RAPGEF2: variants seen among roughly 807,000 people sequenced by gnomAD.
The protein encoded by RAPGEF2 is PDZ domain containing guanine nucleotide exchange factor (GEF) 1.
RAPGEF2 carries 54 observed loss-of-function variants against 186.7 expected under a neutral mutation model. The observed-to-expected ratio is 0.29, with a 90% CI of 0.23 to 0.36. RAPGEF2 has a LOEUF of 0.36. Among genes scored for constraint, RAPGEF2 ranks in the 10% least tolerant of loss-of-function variants. RAPGEF2 has a pLI of 1.00. For synonymous variants in RAPGEF2, 712 were observed against 705.9 expected (o/e 1.01, Z -0.14); for missense variants, 1,532 against 2,045.0 (o/e 0.75, Z 4.84).
intron 1 of RAPGEF2, among the ~76,000 whole-genome samples, chr4:159,114,770 C>A (rs1300602694): frequency 6.6e-6 from 1 of 152,128 alleles, no homozygotes; most frequent in Non-Finnish European, 1.5e-5. Context: ...ATTGTAGATT[C>A]TCTCTTCCCC....
intron 1 of RAPGEF2, among the ~76,000 whole-genome samples, chr4:159,185,307 T>A (rs1374818966): frequency 6.6e-6 from 1 of 152,140 alleles, no homozygotes; most frequent in African/African-American, 2.4e-5. Context: ...ACCAGCAGCT[T>A]CACTTCTAGG....
chr4:159,284,575 G>A lies in RAPGEF2; in HGVS notation c.544-19767G>A, dbSNP rs9994821. 6.9e-3 allele frequency among the ~76,000 whole-genome samples: 1,046 copies of A among 151,566 alleles called. 10 individuals carry two copies. The highest frequency in any genetic ancestry group is 0.024 in the African/African-American group (990 of 41,270). On this transcript the variant is annotated intron_variant, in intron 7 of 29. Transcript: ENST00000691494. ...ACAGTGCCCTGGTGGGGGATACGCA[G>A]TGCCTGACTCCTCTGGATTTCATTC...
At chr4:159,216,192 G>C (rs1561096261) in intron 4 of RAPGEF2, among the ~76,000 whole-genome samples, 1 of 152,128 alleles carries the variant, frequency 6.6e-6, no homozygotes, top group Non-Finnish European at 1.5e-5. Context: ...AATATTCAAA[G>C]GAAGCAAGAT....
At chr4:159,265,035 A>G (rs1260371534) in intron 7 of RAPGEF2, among the ~76,000 whole-genome samples, 1 of 152,216 alleles carries the variant, frequency 6.6e-6, no homozygotes, top group Admixed American at 6.5e-5. Context: ...ACCGTTTGGC[A>G]ACAGTTTACT....
At chr4:159,309,864 A>C (rs1327347916) in intron 8 of RAPGEF2, among the ~76,000 whole-genome samples, 1 of 152,188 alleles carries the variant, frequency 6.6e-6, no homozygotes, top group Non-Finnish European at 1.5e-5. Flanking sequence ...TTCACAAATC[A>C]ATAAAGAAAG....
rs757959302 is a variant in RAPGEF2 at position 159,353,849 on chromosome 4, C to T, written c.4454C>T (p.Ala1485Val). ...AGCCTTGAACAAGCCCAGTCCCGAG[C>T]AAGCTGGGCGTCTTCCACAGGTTAC... ...RESLEQAQSRASWASSTGYWG... is the reference protein window; with the variant it reads ...RESLEQAQSRVSWASSTGYWG... The change falls in exon 28 of 30, where the codon GCA becomes GTA. Residue 1485 changes from alanine (A) to valine (V), a missense_variant. Physicochemically the swap from Ala to Val is moderately conservative, Grantham distance 64. Coordinates refer to ENST00000691494, the MANE Select transcript of RAPGEF2 (RefSeq NM_001394067.2). The surrounding 1 kb of genome is among the most constrained non-coding windows in gnomAD (Gnocchi z 4.3). 3 of 1,614,078 alleles carry T rather than the reference C, an allele frequency of 1.9e-6. No homozygotes were observed. Among genetic ancestry groups the T allele is most frequent in the Non-Finnish European group, 2.5e-6 (3 of 1,180,038 alleles).
chr4:159,277,880 G>C (rs540008713), intron 7 of RAPGEF2, among the ~76,000 whole-genome samples: 3 of 152,240 alleles, frequency 2.0e-5, no homozygotes, highest in South Asian at 4.1e-4. Flanking sequence ...TAGGTTGCCT[G>C]TTCACTCTGA....
chr4:159,182,386 C>CTTTTTTTTTTTTTTTTT (rs575743979), intron 1 of RAPGEF2, among the ~76,000 whole-genome samples: 1 of 85,690 alleles, frequency 1.2e-5, no homozygotes, highest in Non-Finnish European at 2.2e-5. Flanking sequence ...TTCTTTTCTT[C>CTTTTTTTTTTTTTTTTT]TTTTTTTTTT....
At chr4:159,192,623 A>G (rs538100201) in intron 2 of RAPGEF2, among the ~76,000 whole-genome samples, 1 of 152,286 alleles carries the variant, frequency 6.6e-6, no homozygotes, top group African/African-American at 2.4e-5. Context: ...GTTTTTCATA[A>G]TTTTTATAAT....
intron 9 of RAPGEF2, among the ~76,000 whole-genome samples, chr4:159,319,368 CTG>C (rs1251447999): frequency 6.6e-6 from 1 of 152,064 alleles, no homozygotes. Flanking sequence ...CCCTATGAGA[CTG>C]TAATGCTTGA....
chr4:159,332,946 A>G (rs1480089327), intron 17 of RAPGEF2: 1 of 272,802 alleles, frequency 3.7e-6, no homozygotes, highest in African/African-American at 2.2e-5. Flanking sequence ...GGGGGTTTGG[A>G]CTTTTTAGTT....
At chr4:159,157,108 T>C (rs191021521) in intron 1 of RAPGEF2, among the ~76,000 whole-genome samples, 93 of 152,240 alleles carry the variant, frequency 6.1e-4, no homozygotes, top group Admixed American at 1.8e-3. Context: ...ATTCTTGCAT[T>C]GTCTGTCCAT....
chr4:159,262,841 A>T (rs1273077377), intron 7 of RAPGEF2, among the ~76,000 whole-genome samples: 1 of 151,388 alleles, frequency 6.6e-6, no homozygotes, highest in African/African-American at 2.4e-5. Context: ...TTTTTTTAAC[A>T]TTTCCTTGGA....
chr4:159,210,258 G>C (rs1381302143), intron 3 of RAPGEF2, among the ~76,000 whole-genome samples: 1 of 152,110 alleles, frequency 6.6e-6, no homozygotes, highest in Non-Finnish European at 1.5e-5. Flanking sequence ...AGATGCTATA[G>C]GTCTAAGGAA....
chr4:159,273,515 A>G (rs535174856), intron 7 of RAPGEF2, among the ~76,000 whole-genome samples: 1 of 152,170 alleles, frequency 6.6e-6, no homozygotes, highest in African/African-American at 2.4e-5. Context: ...ATCAATTTAG[A>G]TTACTGAAAA....
rs1250957844 is a variant in RAPGEF2 at position 159,346,863 on chromosome 4, C to A, written c.3577C>A (p.Gln1193Lys). The change falls in exon 25 of 30, where the codon CAG becomes AAG. Residue 1193 changes from glutamine (Q) to lysine (K), a missense_variant. Physicochemically the swap from Gln to Lys is moderately conservative, Grantham distance 53. This residue lies in a region of RAPGEF2 where 594 missense variants were observed against 608.5 expected (regional missense o/e 0.98). Transcript: ENST00000691494. ...SPVAPRAGSQ[Q>K]KAQSLPQPQQ... ...AGTAGCTCCAAGGGCAGGGTCACAACAGAAAGCTCAGTCCCTGCCACAGCC... is the reference window on the plus strand; with the variant it reads ...AGTAGCTCCAAGGGCAGGGTCACAAAAGAAAGCTCAGTCCCTGCCACAGCC... 3 of 1,614,086 alleles carry A rather than the reference C, an allele frequency of 1.9e-6. No homozygotes were observed. The Admixed American group carries it at 5.0e-5, about 27-fold the overall frequency.
At chr4:159,194,932 A>T (rs1748479550) in intron 3 of RAPGEF2, among the ~76,000 whole-genome samples, 1 of 152,180 alleles carries the variant, frequency 6.6e-6, no homozygotes, top group Non-Finnish European at 1.5e-5. Context: ...GTAAGGAGAC[A>T]GTTACAGCCA....
chr4:159,266,463 G>A (rs1387117057), intron 7 of RAPGEF2, among the ~76,000 whole-genome samples: 1 of 152,106 alleles, frequency 6.6e-6, no homozygotes, highest in African/African-American at 2.4e-5. Flanking sequence ...TCTTTGTCAA[G>A]TATAATGCAG....
At chr4:159,271,805 G>A (rs1249454033) in intron 7 of RAPGEF2, among the ~76,000 whole-genome samples, 2 of 152,146 alleles carry the variant, frequency 1.3e-5, no homozygotes, top group Non-Finnish European at 2.9e-5. Flanking sequence ...CAAGCAGCAA[G>A]AATATCATGA....
Sources: allele counts gnomAD v4.1 joint callset (sites outside exome capture counted in the v4.1 genomes callset), GRCh38; gene constraint gnomAD v4.1.1; regional missense constraint gnomAD v4.1.1; non-coding constraint Gnocchi (gnomAD v3.1); transcripts MANE v1.5; gene names NCBI Gene and HGNC (gene_info 2026-07-23, HGNC 2026-07-21).